UQCC1: variants seen among roughly 807,000 people sequenced by gnomAD.
The protein encoded by UQCC1 is ubiquinol-cytochrome c reductase complex assembly factor 1, also known as bFGF-repressed Zic-binding protein.
UQCC1 carries 38 observed loss-of-function variants against 48.0 expected under a neutral mutation model. The ratio of observed to expected loss-of-function variants is 0.79; its 90% CI spans 0.61 to 1.04. The LOEUF is 1.04. Ranked by LOEUF, UQCC1 falls within the 50% of genes least tolerant of loss-of-function variation. The pLI is 0.00. For missense variants in UQCC1, 368 were observed against 381.8 expected (o/e 0.96, Z 0.30); for synonymous variants, 111 against 129.2 (o/e 0.86, Z 0.95).
Position 35,381,927 on chromosome 20 carries a change from G to A in UQCC1, c.324C>T (p.Tyr108=), listed in dbSNP as rs2061874771. The A allele has an allele frequency of 1.3e-6, 2 of 1,590,020 alleles. No individual in the cohort carries two copies. Among genetic ancestry groups the A allele is most frequent in the African/African-American group, 1.4e-5 (1 of 74,040 alleles). ...ACTTAAAGGACTTTACCCATTTACT[G>A]TATTTCAAAGGTCCCGTGAATCCCA... The part of the protein sequence containing the change: ...EAMGFTGPLK[Y]SKWKIKIAAL... The change falls in exon 4 of 10, where the codon TAC becomes TAT. Residue 108 remains tyrosine (Y), a synonymous_variant. Transcript: ENST00000374385.
chr20:35,347,196 C>T lies in UQCC1; in HGVS notation c.541G>A (p.Glu181Lys). ...MCRIIVHFMW[E>K]DVQQRGRVMG... ...ACTCTGCCGCGCTGCTGAACATCCT[C>T]CCACATAAAATGAACTATGATACGA... The change falls in exon 7 of 10, where the codon GAG becomes AAG. Residue 181 changes from glutamate to lysine, a missense_variant. Coordinates refer to ENST00000374385, the MANE Select transcript of UQCC1 (RefSeq NM_018244.5). The T allele has an allele frequency of 6.2e-7, 1 of 1,614,170 alleles. No individual in the cohort carries two copies. Among genetic ancestry groups the T allele is most frequent in the Non-Finnish European group, 8.5e-7 (1 of 1,180,036 alleles).
rs761183865 is a variant in UQCC1, at chr20:35,382,057, A to G, written c.226-32T>C. On this transcript the variant is annotated intron_variant, in intron 3 of 9. Coordinates refer to ENST00000374385, the MANE Select transcript of UQCC1 (RefSeq NM_018244.5). ...AACCAAAAAGAAAAAAACTAAAATT[A>G]GTTGCAAAAAATTTTTAATAGAATG... 2.7e-5 allele frequency: 39 copies of G among 1,449,304 alleles called. No homozygotes were observed. In the Middle Eastern group the frequency reaches 5.3e-4, roughly 20 times the overall value. 89.8% of individuals were successfully genotyped at this position (1,449,304 alleles called of 1,614,324 possible). A position where few individuals can be genotyped will look rare whatever the true frequency, so the allele number is the denominator to read the frequency against.
intron 6 of UQCC1, among the ~76,000 whole-genome samples, chr20:35,348,581 G>A (rs916279134): frequency 4.1e-4 from 62 of 151,980 alleles, no homozygotes; most frequent in African/African-American, 1.5e-3. Flanking sequence ...TAATAGATAT[G>A]GGGTTTCACT....
intron 2 of UQCC1, 21 bp from the exon 3 acceptor site, chr20:35,384,154 T>C: frequency 6.3e-7 from 1 of 1,588,308 alleles, no homozygotes; most frequent in Non-Finnish European, 8.6e-7. Flanking sequence ...AAAACACAGA[T>C]CTATGCAACA....
At chr20:35,311,785 C>G (rs903131185) in intron 8 of UQCC1, among the ~76,000 whole-genome samples, 1 of 152,208 alleles carries the variant, frequency 6.6e-6, no homozygotes, top group Admixed American at 6.5e-5. Flanking sequence ...CTTTGGGGGA[C>G]AGGGCCCAGA....
At chr20:35,337,721 G>A (rs765759547) in intron 7 of UQCC1, among the ~76,000 whole-genome samples, 82 of 152,208 alleles carry the variant, frequency 5.4e-4, no homozygotes, top group Non-Finnish European at 7.1e-4. Flanking sequence ...CTTGGAGGCT[G>A]AGTATGAAGT....
chr20:35,379,356 AT>A (rs1407163834), intron 4 of UQCC1, among the ~76,000 whole-genome samples: 1 of 152,184 alleles, frequency 6.6e-6, no homozygotes. Context: ...AAAACAAATA[AT>A]TTTGCCAGTG....
At chr20:35,410,704 C>CAAAAAAAAAAAAAAAAAAAAAAAA (rs1183843739) in intron 1 of UQCC1, among the ~76,000 whole-genome samples, 32 of 2,710 alleles carry the variant, frequency 0.012, 13 homozygotes, top group African/African-American at 0.014. Context: ...GACTCTGCCT[C>CAAAAAAAAAAAAAAAAAAAAAAAA]AAAAAAAAAA....
intron 9 of UQCC1, among the ~76,000 whole-genome samples, chr20:35,305,284 T>C (rs897906432): frequency 2.0e-5 from 3 of 152,140 alleles, no homozygotes; most frequent in Non-Finnish European, 4.4e-5. Context: ...CCACCAAAGC[T>C]CCCTGCTTTC....
intron 5 of UQCC1, among the ~76,000 whole-genome samples, chr20:35,373,679 C>T (rs1352099721): frequency 5.0e-5 from 5 of 100,888 alleles, no homozygotes; most frequent in Non-Finnish European, 9.2e-5. Flanking sequence ...TAGAGCAAGA[C>T]TCCATCTCAA....
chr20:35,329,463 G>C (rs918526272), intron 7 of UQCC1, among the ~76,000 whole-genome samples: 3 of 152,148 alleles, frequency 2.0e-5, no homozygotes, highest in African/African-American at 7.2e-5. Flanking sequence ...CTAAAGAGAG[G>C]ACAATGAACA....
chr20:35,405,629 T>C (rs1323429654), intron 1 of UQCC1, among the ~76,000 whole-genome samples: 1 of 152,250 alleles, frequency 6.6e-6, no homozygotes, highest in Non-Finnish European at 1.5e-5. Flanking sequence ...GGCTTACACC[T>C]GTAATCCCAG....
chr20:35,349,648 G>A (rs2061469259), intron 6 of UQCC1, among the ~76,000 whole-genome samples: 1 of 152,138 alleles, frequency 6.6e-6, no homozygotes, highest in Non-Finnish European at 1.5e-5. Flanking sequence ...TATTTAACCT[G>A]GAGAAAAACA....
At chr20:35,313,628 T>G (rs2061019925) in intron 8 of UQCC1, among the ~76,000 whole-genome samples, 1 of 152,164 alleles carries the variant, frequency 6.6e-6, no homozygotes, top group Admixed American at 6.5e-5. Context: ...ATTTCATTTT[T>G]TTTGAGACCA....
intron 1 of UQCC1, among the ~76,000 whole-genome samples, chr20:35,398,662 A>C (rs2062115816): frequency 6.6e-6 from 1 of 150,480 alleles, no homozygotes; most frequent in Non-Finnish European, 1.5e-5. Context: ...ACACTGACAG[A>C]TTTACCAGAA....
At chr20:35,359,552 T>C (rs2061583288) in intron 6 of UQCC1, among the ~76,000 whole-genome samples, 1 of 152,200 alleles carries the variant, frequency 6.6e-6, no homozygotes, top group South Asian at 2.1e-4. Flanking sequence ...GAGCATCCTG[T>C]CTCGCTCACT....
chr20:35,367,425 T>C (rs2061682639), intron 5 of UQCC1, among the ~76,000 whole-genome samples: 1 of 151,928 alleles, frequency 6.6e-6, no homozygotes, highest in South Asian at 2.1e-4. Context: ...AGGTACCCAA[T>C]GTGCTATGGA....
Position 35,338,882 on chromosome 20 carries a change from A to ATATCTATATAT in UQCC1, c.573+8281_573+8282insATATATAGATA, listed in dbSNP as rs1568666102. On this transcript the variant is annotated intron_variant, in intron 7 of 9. Coordinates refer to ENST00000374385, the MANE Select transcript of UQCC1 (RefSeq NM_018244.5). ...AAAAAAAAAAAAAAAAAAAAAAAAA[A>ATATCTATATAT]AAAAAAAAAAATATATATATATATA... Among the ~76,000 whole-genome samples the ATATCTATATAT allele has an allele frequency of 1.7e-3, 100 of 60,158 alleles. 2 individuals carry two copies. The African/African-American group carries it at 0.021, about 13-fold the overall frequency. 39.5% of individuals were successfully genotyped at this position (60,158 alleles called of 152,430 possible). A position where few individuals can be genotyped will look rare whatever the true frequency, so the allele number is the denominator to read the frequency against.
intron 7 of UQCC1, among the ~76,000 whole-genome samples, chr20:35,337,588 A>G (rs1237977952): frequency 6.6e-6 from 1 of 152,174 alleles, no homozygotes; most frequent in African/African-American, 2.4e-5. Context: ...GTTCCTTTCC[A>G]GTTTAAACAG....
Sources: gnomAD v4.1 joint callset for allele counts (sites outside exome capture counted in the v4.1 genomes callset) on GRCh38, gnomAD v4.1.1 for gene constraint, MANE v1.5 for transcripts, NCBI Gene and HGNC (gene_info 2026-07-23, HGNC 2026-07-21) for gene names.